MSRA: variants seen among roughly 807,000 people sequenced by gnomAD.
MSRA encodes the protein methionine sulfoxide reductase A.
MSRA carries 54 observed loss-of-function variants against 31.3 expected under a neutral mutation model. That is an observed-to-expected ratio of 1.73 (90% confidence interval 1.39 to 2.17). MSRA has a LOEUF of 2.17. MSRA is among the 30% of genes most tolerant of loss of function. MSRA has a pLI of 0.00. For missense variants in MSRA, 507 were observed against 300.9 expected (o/e 1.69, Z -5.07); for synonymous variants, 169 against 116.5 (o/e 1.45, Z -2.90).
chr8:10,303,464 GGC>G (rs1800957159), intron 4 of MSRA, among the ~76,000 whole-genome samples: 2 of 152,164 alleles, frequency 1.3e-5, no homozygotes, highest in Non-Finnish European at 2.9e-5. Flanking sequence ...TTGTAATGGT[GGC>G]ATCTCTGGGG....
At chr8:10,086,549 G>A (rs1472690105) in intron 1 of MSRA, among the ~76,000 whole-genome samples, 1 of 152,088 alleles carries the variant, frequency 6.6e-6, no homozygotes, top group African/African-American at 2.4e-5. Context: ...ACATAGTTTC[G>A]GATGTCAGTT....
chr8:10,184,176 G>A (rs1043382961), intron 1 of MSRA, among the ~76,000 whole-genome samples: 3 of 151,920 alleles, frequency 2.0e-5, no homozygotes, highest in Non-Finnish European at 4.4e-5. Context: ...TGTTATTGTT[G>A]ATGGTGTTGG....
At chr8:10,276,093 C>CGGTCGTTA (rs1470275859) in intron 3 of MSRA, among the ~76,000 whole-genome samples, 5 of 152,162 alleles carry the variant, frequency 3.3e-5, no homozygotes, top group African/African-American at 9.7e-5. Flanking sequence ...GTCACTGCAG[C>CGGTCGTTA]GGTCGTTACT....
intron 1 of MSRA, among the ~76,000 whole-genome samples, chr8:10,129,001 CTTAA>C (rs1563128988): frequency 2.6e-5 from 4 of 152,280 alleles, no homozygotes; most frequent in African/African-American, 9.6e-5. Context: ...TGCTTTCTCT[CTTAA>C]TTTTCTCACG....
intron 3 of MSRA, among the ~76,000 whole-genome samples, chr8:10,285,996 C>T (rs1276078314): frequency 6.6e-6 from 1 of 152,068 alleles, no homozygotes; most frequent in Non-Finnish European, 1.5e-5. Flanking sequence ...GTAAGGGTAC[C>T]CCTCAGCTGG....
At chr8:10,287,513 T>A (rs1306732235) in intron 3 of MSRA, among the ~76,000 whole-genome samples, 1 of 152,106 alleles carries the variant, frequency 6.6e-6, no homozygotes, top group African/African-American at 2.4e-5. Context: ...AGTGCAGAGT[T>A]CGGAATAACA....
chr8:10,423,298 C>T (rs539734258), intron 5 of MSRA, among the ~76,000 whole-genome samples: 1 of 152,284 alleles, frequency 6.6e-6, no homozygotes, highest in South Asian at 2.1e-4. Context: ...CCATCTGCTC[C>T]AATTCGTTAA....
chr8:10,273,959 G>A (rs1243352305), intron 3 of MSRA, among the ~76,000 whole-genome samples: 1 of 152,128 alleles, frequency 6.6e-6, no homozygotes. Flanking sequence ...TTTATAGGAG[G>A]TGAGGATAGG....
chr8:10,421,889 G>A (rs1004800567), intron 5 of MSRA, among the ~76,000 whole-genome samples: 7 of 152,152 alleles, frequency 4.6e-5, no homozygotes, highest in Non-Finnish European at 7.4e-5. Flanking sequence ...GGGGGAATGT[G>A]GAAATGGGGG....
At chr8:10,191,826 A>C (rs2129053642) in intron 1 of MSRA, among the ~76,000 whole-genome samples, 1 of 152,254 alleles carries the variant, frequency 6.6e-6, no homozygotes, top group South Asian at 2.1e-4. Flanking sequence ...TTATTAGAAC[A>C]CATTACTGTA....
chr8:10,409,668 C>T lies in MSRA; in HGVS notation c.544-18480C>T, dbSNP rs191518143. ...GGGTGAATGCATACGCAGCATCACC[C>T]CTAGGCCCTCCTCGCCCCACCAACA... On this transcript the variant is annotated intron_variant, in intron 5 of 5. Transcript: ENST00000317173. Among the ~76,000 whole-genome samples the T allele has an allele frequency of 2.6e-5, 4 of 152,346 alleles. No homozygotes were observed. In the East Asian group the frequency reaches 5.8e-4, roughly 22 times the overall value.
At chr8:10,291,465 C>T (rs183591165) in intron 3 of MSRA, among the ~76,000 whole-genome samples, 3 of 151,886 alleles carry the variant, frequency 2.0e-5, no homozygotes, top group Admixed American at 2.0e-4. Flanking sequence ...CTCCTCAAAT[C>T]CTATAATGAA....
rs569438721 is a variant in MSRA at position 10,095,672 on chromosome 8, T to A, written c.142+41014T>A. On this transcript the variant is annotated intron_variant, in intron 1 of 5. Coordinates refer to ENST00000317173, the MANE Select transcript of MSRA (RefSeq NM_012331.5). Reference sequence around the variant, plus strand: ...TTTTGTCTGCTTTCTCGGCTTGAGCTTCAGGAAAGAAAACCGTCCTGGGGT... The same window carrying A: ...TTTTGTCTGCTTTCTCGGCTTGAGCATCAGGAAAGAAAACCGTCCTGGGGT... The A allele has an allele frequency of 1.0e-4, 105 of 1,010,320 alleles. 1 individual carries two copies. The South Asian group carries it at 2.1e-3, about 20-fold the overall frequency. 62.6% of individuals were successfully genotyped at this position (1,010,320 alleles called of 1,614,324 possible).
intron 1 of MSRA, among the ~76,000 whole-genome samples, chr8:10,108,804 A>G (rs1442031785): frequency 7.0e-6 from 1 of 143,768 alleles, no homozygotes; most frequent in African/African-American, 2.5e-5. Context: ...AGTTGTTGGG[A>G]AATTTTTTTT....
intron 3 of MSRA, among the ~76,000 whole-genome samples, chr8:10,286,779 T>A (rs907607899): frequency 6.6e-6 from 1 of 152,226 alleles, no homozygotes; most frequent in African/African-American, 2.4e-5. Flanking sequence ...GGCTCACATG[T>A]ATTGAATTCC....
In MSRA at chr8:10,151,565, G is replaced by A. The variant is rs574503193; in HGVS notation, c.143-56268G>A. Among the ~76,000 whole-genome samples the A allele has an allele frequency of 4.1e-4, 63 of 152,262 alleles. 1 individual carries two copies. The highest frequency in any genetic ancestry group is 1.1e-3 in the Admixed American group (17 of 15,290). On this transcript the variant is annotated intron_variant, in intron 1 of 5. Transcript: ENST00000317173. Reference sequence around the variant, plus strand: ...CTCGGGAGGCTGAGCCAGGAGAATGGTGTGAACCCGGGAGGCGGAGCTTGC... The same window carrying A: ...CTCGGGAGGCTGAGCCAGGAGAATGATGTGAACCCGGGAGGCGGAGCTTGC...
chr8:10,144,428 G>GT (rs1171255890), intron 1 of MSRA, among the ~76,000 whole-genome samples: 1 of 152,138 alleles, frequency 6.6e-6, no homozygotes, highest in Non-Finnish European at 1.5e-5. Flanking sequence ...TGAGGATGAC[G>GT]TAAGTTAATA....
chr8:10,066,477 G>A (rs575150499), intron 1 of MSRA, among the ~76,000 whole-genome samples: 1 of 152,162 alleles, frequency 6.6e-6, no homozygotes, highest in Non-Finnish European at 1.5e-5. Context: ...TGTATTTTCT[G>A]TATCTTGCTT....
intron 5 of MSRA, chr8:10,411,371 C>G (rs1808149549): frequency 1.3e-5 from 2 of 152,228 alleles, no homozygotes; most frequent in African/African-American, 4.8e-5. Flanking sequence ...TTGAGCTTCA[C>G]TGCGTATTCT....
Sources: gnomAD v4.1 joint callset for allele counts (sites outside exome capture counted in the v4.1 genomes callset) on GRCh38, gnomAD v4.1.1 for gene constraint, MANE v1.5 for transcripts, NCBI Gene and HGNC (gene_info 2026-07-23, HGNC 2026-07-21) for gene names.